The following CCSER1 variants were observed in gnomAD, a reference collection of about 807,000 sequenced individuals.
CCSER1 encodes the protein coiled-coil serine rich protein 1.
In CCSER1, 41 loss-of-function variants were observed where a neutral mutation model predicts 82.0. The ratio of observed to expected loss-of-function variants is 0.50; its 90% confidence interval spans 0.39 to 0.65. The LOEUF is 0.65. Among genes scored for constraint, CCSER1 ranks in the 30% least tolerant of loss-of-function variants. The probability of loss-of-function intolerance (pLI) is 0.00; values close to 1 mark genes in which losing one functional copy is unlikely to be tolerated. For missense variants in CCSER1, 1,119 were observed against 1,064.2 expected, an observed-to-expected ratio of 1.05 and a Z score of -0.72; for synonymous variants, 414 against 383.9, an observed-to-expected ratio of 1.08 and a Z score of -0.92.
At chr4:90,438,196 C>A (rs767777937) in intron 4 of CCSER1, among the ~76,000 whole-genome samples, 1 of 151,954 alleles carries the variant, frequency 6.6e-6, no homozygotes, top group Non-Finnish European at 1.5e-5. Context: ...CTTAAGAAAC[C>A]AGACTTGATC....
intron 10 of CCSER1, among the ~76,000 whole-genome samples, chr4:91,368,733 A>G (rs1389004207): frequency 6.6e-6 from 1 of 152,156 alleles, no homozygotes; most frequent in Admixed American, 6.6e-5. Flanking sequence ...TCAGTCTTTT[A>G]TACTGGAAAA....
chr4:90,671,361 C>T (rs1241694222), intron 6 of CCSER1, among the ~76,000 whole-genome samples: 1 of 152,022 alleles, frequency 6.6e-6, no homozygotes, highest in Non-Finnish European at 1.5e-5. Context: ...GCTGCTTTAT[C>T]AACTAAGTTT....
At chr4:90,359,121 T>G (rs17016896) in intron 3 of CCSER1, among the ~76,000 whole-genome samples, 44,292 of 151,958 alleles carry the variant, frequency 0.29, 6,601 homozygotes, top group East Asian at 0.44. Flanking sequence ...TGAAAGAGAT[T>G]AACAGAAGGG....
rs556226345 is a variant in CCSER1, at chr4:90,404,440, C to A, written c.1603+4311C>A. ...CTTGGGTGTTCTATGGCCCTTCCCA[C>A]GGCCTGAGAAACCTGAATACTTAAC... On this transcript the variant is annotated intron_variant, in intron 4 of 10. Transcript: ENST00000509176. Among the ~76,000 whole-genome samples, 5 of 152,270 alleles carry A rather than the reference C, an allele frequency of 3.3e-5. No individual in the cohort carries two copies. In the South Asian group the frequency reaches 8.3e-4, roughly 25 times the overall value.
chr4:90,886,711 G>C (rs1722173451), intron 8 of CCSER1, among the ~76,000 whole-genome samples: 1 of 152,136 alleles, frequency 6.6e-6, no homozygotes, highest in South Asian at 2.1e-4. Context: ...GAAACGCAAA[G>C]AGGTTTGTAA....
chr4:90,887,226 G>A (rs941117546), intron 8 of CCSER1, among the ~76,000 whole-genome samples: 1 of 151,904 alleles, frequency 6.6e-6, no homozygotes, highest in Admixed American at 6.6e-5. Flanking sequence ...CTACCAGTAG[G>A]GAATAAAGAT....
At chr4:91,401,558 C>G (rs1356521841) in intron 10 of CCSER1, among the ~76,000 whole-genome samples, 1 of 151,962 alleles carries the variant, frequency 6.6e-6, no homozygotes, top group African/African-American at 2.4e-5. Flanking sequence ...CTCCCCCAAC[C>G]CCATGACAGA....
At chr4:91,191,057 G>A (rs1452833516) in intron 10 of CCSER1, among the ~76,000 whole-genome samples, 1 of 152,166 alleles carries the variant, frequency 6.6e-6, no homozygotes, top group Admixed American at 6.5e-5. Flanking sequence ...TGGATAGTAT[G>A]TAATGTCTAA....
At chr4:90,911,826 G>T (rs1726423756) in intron 8 of CCSER1, among the ~76,000 whole-genome samples, 1 of 152,210 alleles carries the variant, frequency 6.6e-6, no homozygotes, top group Non-Finnish European at 1.5e-5. Context: ...CACACCAGGA[G>T]ATTATATTCC....
Position 90,628,401 on chromosome 4 carries a change from C to T in CCSER1, c.1932+169C>T, listed in dbSNP as rs191560543. 9.2e-5 allele frequency among the ~76,000 whole-genome samples: 14 copies of T among 152,170 alleles called. No homozygotes were observed. In the East Asian group the frequency reaches 2.5e-3, roughly 27 times the overall value. On this transcript the variant is annotated intron_variant, in intron 6 of 10. Coordinates refer to ENST00000509176, the MANE Select transcript of CCSER1 (RefSeq NM_001145065.2). ...TATGTCAAATGAGTGTTTTGAAGTT[C>T]TGGTTTATAAGGTACTCTTTAGCCT...
chr4:90,513,924 A>T (rs1771897835), intron 5 of CCSER1, among the ~76,000 whole-genome samples: 1 of 152,130 alleles, frequency 6.6e-6, no homozygotes, highest in South Asian at 2.1e-4. Context: ...AAAATAAAGA[A>T]GCAGCCTGAA....
chr4:91,029,488 T>C (rs1485366819), intron 9 of CCSER1, among the ~76,000 whole-genome samples: 1 of 152,060 alleles, frequency 6.6e-6, no homozygotes, highest in African/African-American at 2.4e-5. Flanking sequence ...TTCTCTATGC[T>C]GGTAGTGTGT....
At chr4:91,354,367 C>A (rs1475604379) in intron 10 of CCSER1, among the ~76,000 whole-genome samples, 2 of 152,132 alleles carry the variant, frequency 1.3e-5, no homozygotes, top group Admixed American at 1.3e-4. Context: ...CTTAATGGTG[C>A]CAATTATACA....
chr4:91,126,998 T>A (rs1476126788), intron 10 of CCSER1, among the ~76,000 whole-genome samples: 1 of 151,974 alleles, frequency 6.6e-6, no homozygotes, highest in Non-Finnish European at 1.5e-5. Flanking sequence ...GAAAATGCCT[T>A]ATGACAAAGA....
At chr4:90,259,083 T>C (rs766415176) in intron 1 of CCSER1, among the ~76,000 whole-genome samples, 16 of 152,184 alleles carry the variant, frequency 1.1e-4, no homozygotes, top group Non-Finnish European at 1.9e-4. Context: ...GTATGGTCAT[T>C]TTCACAATAT....
chr4:91,202,141 T>C (rs569288290), intron 10 of CCSER1, among the ~76,000 whole-genome samples: 1 of 151,848 alleles, frequency 6.6e-6, no homozygotes, highest in African/African-American at 2.4e-5. Context: ...ATTAGGTTAT[T>C]TGTTTGGCTG....
At chr4:90,647,796 A>T (rs545641710) in intron 6 of CCSER1, among the ~76,000 whole-genome samples, 1 of 152,160 alleles carries the variant, frequency 6.6e-6, no homozygotes, top group Non-Finnish European at 1.5e-5. Context: ...ATTTGTCCTA[A>T]GAGTTTAGGA....
intron 1 of CCSER1, among the ~76,000 whole-genome samples, chr4:90,292,660 T>A (rs1411758448): frequency 1.3e-5 from 2 of 151,888 alleles, no homozygotes; most frequent in African/African-American, 4.8e-5. Flanking sequence ...GAGACACCTA[T>A]AACAGCACTT....
intron 6 of CCSER1, among the ~76,000 whole-genome samples, chr4:90,660,208 T>C (rs968323492): frequency 1.3e-5 from 2 of 152,060 alleles, no homozygotes; most frequent in African/African-American, 2.4e-5. Flanking sequence ...GAAATCATTA[T>C]ATCAAAAAGA....
Sources: allele counts gnomAD v4.1 joint callset (sites outside exome capture counted in the v4.1 genomes callset), GRCh38; gene constraint gnomAD v4.1.1; transcripts MANE v1.5; gene names NCBI Gene and HGNC (gene_info 2026-07-23, HGNC 2026-07-21).